The following RAPGEF2 variants were observed in gnomAD, a reference collection of about 807,000 sequenced individuals.
RAPGEF2 encodes Rap guanine nucleotide exchange factor 2.
Under a neutral mutation model 186.7 loss-of-function variants are expected in RAPGEF2, and 54 were observed. The ratio of observed to expected loss-of-function variants is 0.29; its 90% CI spans 0.23 to 0.36. The LOEUF (loss-of-function observed/expected upper bound fraction) is 0.36, where lower values mean the gene tolerates loss of function less well. Among genes scored for constraint, RAPGEF2 ranks in the 10% least tolerant of loss-of-function variants. The pLI is 1.00. For missense variants in RAPGEF2, 1,532 were observed against 2,045.0 expected, an observed-to-expected ratio of 0.75 and a Z score of 4.84; for synonymous variants, 712 against 705.9, an observed-to-expected ratio of 1.01 and a Z score of -0.14.
intron 1 of RAPGEF2, among the ~76,000 whole-genome samples, chr4:159,182,383 CTTCT>C (rs1370954035): frequency 3.9e-5 from 3 of 76,818 alleles, no homozygotes; most frequent in African/African-American, 1.5e-4. Flanking sequence ...ATTTTCTTTT[CTTCT>C]TTTTTTTTTT....
intron 7 of RAPGEF2, among the ~76,000 whole-genome samples, chr4:159,269,432 A>G (rs538568565): frequency 6.6e-6 from 1 of 152,006 alleles, no homozygotes; most frequent in African/African-American, 2.4e-5. Context: ...TCAGATCCAG[A>G]AAAAGACCAG....
At chr4:159,111,271 G>T (rs1040523320) in intron 1 of RAPGEF2, among the ~76,000 whole-genome samples, 1 of 152,170 alleles carries the variant, frequency 6.6e-6, no homozygotes, top group Non-Finnish European at 1.5e-5. Flanking sequence ...AGTGTTTTGG[G>T]AGAGTTAGTG....
chr4:159,305,325 C>A (rs983133499), intron 8 of RAPGEF2, among the ~76,000 whole-genome samples: 1 of 152,128 alleles, frequency 6.6e-6, no homozygotes, highest in African/African-American at 2.4e-5. Context: ...CTCTTATCTC[C>A]ACATCCTCAC....
intron 1 of RAPGEF2, among the ~76,000 whole-genome samples, chr4:159,147,370 AC>A (rs1472829582): frequency 1.3e-5 from 2 of 151,422 alleles, no homozygotes; most frequent in African/African-American, 4.9e-5. Context: ...GCACAAAAAT[AC>A]CTTTTTTTTT....
intron 1 of RAPGEF2, among the ~76,000 whole-genome samples, chr4:159,113,766 C>CT (rs1738755642): frequency 7.1e-6 from 1 of 141,382 alleles, no homozygotes; most frequent in Non-Finnish European, 1.5e-5. Flanking sequence ...AAAAAAGTAT[C>CT]TTTTTTTCCA....
intron 25 of RAPGEF2, 98 bp downstream of exon 25, chr4:159,347,096 A>G (rs1449450675): frequency 2.6e-6 from 3 of 1,165,338 alleles, no homozygotes; most frequent in Non-Finnish European, 3.6e-6. Flanking sequence ...TGTCTAATAT[A>G]TTTGAGTTTC....
At chr4:159,269,902 T>C (rs1757903404) in intron 7 of RAPGEF2, among the ~76,000 whole-genome samples, 1 of 152,170 alleles carries the variant, frequency 6.6e-6, no homozygotes, top group African/African-American at 2.4e-5. Context: ...GAAAACACAT[T>C]ACTACATTTA....
At chr4:159,154,526 A>G (rs891366265) in intron 1 of RAPGEF2, among the ~76,000 whole-genome samples, 4 of 151,450 alleles carry the variant, frequency 2.6e-5, no homozygotes, top group African/African-American at 9.7e-5. Context: ...TTTTAAAAAA[A>G]ACAACCACCA....
chr4:159,275,175 A>C, intron 7 of RAPGEF2, among the ~76,000 whole-genome samples: 1 of 151,506 alleles, frequency 6.6e-6, no homozygotes, highest in East Asian at 1.9e-4. Flanking sequence ...CACTGTCTAT[A>C]TTTCTTTTGT....
intron 22 of RAPGEF2, among the ~76,000 whole-genome samples, chr4:159,343,647 C>A (rs539775537): frequency 7.2e-5 from 11 of 152,286 alleles, no homozygotes; most frequent in Admixed American, 7.2e-4. Context: ...GTAATAGACA[C>A]AATTATGTGT....
At chr4:159,116,131 A>G (rs953421261) in intron 1 of RAPGEF2, among the ~76,000 whole-genome samples, 1 of 152,214 alleles carries the variant, frequency 6.6e-6, no homozygotes, top group Non-Finnish European at 1.5e-5. Context: ...AAAAAAAACT[A>G]TCATCAGAGT....
At chr4:159,110,448 G>A (rs1000130309) in intron 1 of RAPGEF2, among the ~76,000 whole-genome samples, 1 of 152,034 alleles carries the variant, frequency 6.6e-6, no homozygotes, top group Non-Finnish European at 1.5e-5. Context: ...AATTAGCCAG[G>A]TGCCTGTATT....
intron 8 of RAPGEF2, among the ~76,000 whole-genome samples, chr4:159,310,404 T>G (rs1260731416): frequency 2.0e-5 from 3 of 152,152 alleles, no homozygotes; most frequent in Non-Finnish European, 4.4e-5. Flanking sequence ...CAAGTGATTT[T>G]AAAGTGCTTA....
At chr4:159,355,703 C>T in intron 28 of RAPGEF2, 150 bp from the exon 29 acceptor site, 2 of 707,838 alleles carry the variant, frequency 2.8e-6, no homozygotes, top group South Asian at 2.1e-5. Flanking sequence ...CATTCCCTGG[C>T]CTGCCTCACA....
intron 7 of RAPGEF2, among the ~76,000 whole-genome samples, chr4:159,279,822 G>C (rs1759449600): frequency 6.6e-6 from 1 of 152,016 alleles, no homozygotes; most frequent in South Asian, 2.1e-4. Context: ...GGGACTACAG[G>C]TGCGTATCAC....
At chr4:159,234,022 A>G (rs1280187375) in intron 4 of RAPGEF2, among the ~76,000 whole-genome samples, 1 of 152,152 alleles carries the variant, frequency 6.6e-6, no homozygotes, top group Non-Finnish European at 1.5e-5. Context: ...TTTTAGGACC[A>G]GCTTTTTCAT....
rs753712552 is a variant in RAPGEF2, at chr4:159,346,876, C to G, written c.3590C>G (p.Ser1197Cys). The change falls in exon 25 of 30, where the codon TCC becomes TGC. Residue 1197 changes from serine to cysteine, a missense_variant. Ser to Cys is a moderately radical substitution (Grantham distance 112). Around this residue, in one of 4 missense-constraint regions of RAPGEF2, gnomAD observed 594 missense variants for 608.5 expected, o/e 0.98. Transcript: ENST00000691494. ...PRAGSQQKAQ[S>C]LPQPQQQPPP... ...GCAGGGTCACAACAGAAAGCTCAGT[C>G]CCTGCCACAGCCCCAGCAGCAGCCA... 1 of 1,614,174 alleles carries G rather than the reference C, an allele frequency of 6.2e-7. No homozygotes were observed. The highest frequency in any genetic ancestry group is 1.7e-5 in the Admixed American group (1 of 60,028).
intron 7 of RAPGEF2, among the ~76,000 whole-genome samples, chr4:159,248,149 C>T (rs541941598): frequency 6.6e-6 from 1 of 152,204 alleles, no homozygotes; most frequent in East Asian, 1.9e-4. Context: ...ACTTTCTATT[C>T]CAATAGTGTT....
chr4:159,356,922 A>G (rs1732109560), intron 29 of RAPGEF2, among the ~76,000 whole-genome samples: 1 of 152,178 alleles, frequency 6.6e-6, no homozygotes, highest in South Asian at 2.1e-4. Context: ...AAGAAAATGA[A>G]AATTTCACAA....
Sources: allele counts gnomAD v4.1 joint callset (sites outside exome capture counted in the v4.1 genomes callset), GRCh38; gene constraint gnomAD v4.1.1; regional missense constraint gnomAD v4.1.1; transcripts MANE v1.5; gene names NCBI Gene and HGNC (gene_info 2026-07-23, HGNC 2026-07-21).